The following TENM2 variants were observed in gnomAD, a reference collection of about 807,000 sequenced individuals.
TENM2 encodes teneurin transmembrane protein 2.
Under a neutral mutation model 245.2 loss-of-function variants are expected in TENM2, and 52 were observed. That is an observed-to-expected ratio of 0.21 (90% CI 0.17 to 0.27). The LOEUF (loss-of-function observed/expected upper bound fraction) is 0.27, where lower values mean the gene tolerates loss of function less well. Ranked by LOEUF, TENM2 falls within the 10% of genes least tolerant of loss-of-function variation. The pLI is 1.00. For synonymous variants in TENM2, 1,363 were observed against 1,438.9 expected (o/e 0.95, Z 1.19); for missense variants, 3,046 against 3,666.8 (o/e 0.83, Z 4.37).
intron 19 of TENM2, among the ~76,000 whole-genome samples, chr5:168,210,851 C>G (rs935419771): frequency 1.3e-5 from 2 of 152,140 alleles, no homozygotes; most frequent in Admixed American, 1.3e-4. Context: ...GAGTGGTTCT[C>G]CTTAATTGAG....
intron 2 of TENM2, among the ~76,000 whole-genome samples, chr5:167,510,180 C>G (rs968369644): frequency 1.3e-5 from 2 of 152,146 alleles, no homozygotes; most frequent in Admixed American, 6.6e-5. Flanking sequence ...AATGTACTGG[C>G]TTGGTTTGGA....
At chr5:167,010,666 A>G in the TENM2 span, among the ~76,000 whole-genome samples, 2 of 152,194 alleles carry the variant, frequency 1.3e-5, no homozygotes, top group Non-Finnish European at 2.9e-5. Flanking sequence ...TTCCTCCTTT[A>G]AAAATTTCAC....
At chr5:167,465,702 G>T (rs1487420278) in intron 2 of TENM2, among the ~76,000 whole-genome samples, 1 of 152,126 alleles carries the variant, frequency 6.6e-6, no homozygotes, top group African/African-American at 2.4e-5. Flanking sequence ...TTGGTGGCGG[G>T]CGCCTGTAGT....
chr5:167,728,104 G>C (rs1330071050), intron 2 of TENM2, among the ~76,000 whole-genome samples: 1 of 152,146 alleles, frequency 6.6e-6, no homozygotes, highest in Non-Finnish European at 1.5e-5. Context: ...ACTGGGACCA[G>C]TCTTATGATG....
chr5:167,927,341 A>G (rs1224061236), intron 3 of TENM2, among the ~76,000 whole-genome samples: 2 of 152,174 alleles, frequency 1.3e-5, no homozygotes, highest in African/African-American at 2.4e-5. Context: ...TGAATGTTAC[A>G]TTATTCTACT....
intron 9 of TENM2, among the ~76,000 whole-genome samples, chr5:168,107,180 C>T (rs1007244434): frequency 1.3e-5 from 2 of 151,632 alleles, no homozygotes; most frequent in Non-Finnish European, 2.9e-5. Flanking sequence ...ACTCCTGTTC[C>T]GATGACCTCC....
the TENM2 span, among the ~76,000 whole-genome samples, chr5:167,148,546 T>C: frequency 7.9e-5 from 12 of 152,218 alleles, no homozygotes; most frequent in Non-Finnish European, 1.8e-4. Context: ...AAATGAAATA[T>C]TTTTTAAATG....
At chr5:167,527,136 T>C (rs773615670) in intron 2 of TENM2, among the ~76,000 whole-genome samples, 1 of 152,056 alleles carries the variant, frequency 6.6e-6, no homozygotes, top group South Asian at 2.1e-4. Context: ...TTCTTACTTA[T>C]AAAGATGGAC....
the TENM2 span, among the ~76,000 whole-genome samples, chr5:167,172,290 C>T: frequency 6.6e-6 from 1 of 152,122 alleles, no homozygotes; most frequent in African/African-American, 2.4e-5. Flanking sequence ...GAAAATTGTA[C>T]CCTTATATCC....
chr5:167,510,199 G>T (rs977361259), intron 2 of TENM2, among the ~76,000 whole-genome samples: 3 of 152,160 alleles, frequency 2.0e-5, no homozygotes, highest in Admixed American at 1.3e-4. Flanking sequence ...GAATGTGGCT[G>T]TATTCATGCA....
intron 2 of TENM2, among the ~76,000 whole-genome samples, chr5:167,478,230 T>C (rs1483645910): frequency 6.6e-6 from 1 of 152,196 alleles, no homozygotes; most frequent in Non-Finnish European, 1.5e-5. Context: ...AATGAAAACA[T>C]GGCTTGCAGG....
At chr5:167,294,614 T>G (rs1754840993) in intron 1 of TENM2, among the ~76,000 whole-genome samples, 1 of 152,128 alleles carries the variant, frequency 6.6e-6, no homozygotes, top group Non-Finnish European at 1.5e-5. Context: ...AGAGTTGACC[T>G]CCTTTATGTC....
chr5:167,673,427 T>A (rs1756094926), intron 2 of TENM2, among the ~76,000 whole-genome samples: 1 of 152,230 alleles, frequency 6.6e-6, no homozygotes, highest in Non-Finnish European at 1.5e-5. Context: ...TCCTCTTAGT[T>A]GTCCAATGGG....
intron 3 of TENM2, among the ~76,000 whole-genome samples, chr5:167,881,425 C>T (rs953311300): frequency 1.3e-5 from 2 of 152,188 alleles, no homozygotes; most frequent in Non-Finnish European, 2.9e-5. Flanking sequence ...TCAGGGACCT[C>T]CACTGCAGTT....
intron 3 of TENM2, among the ~76,000 whole-genome samples, chr5:167,880,004 T>G (rs1378891546): frequency 2.0e-5 from 3 of 152,210 alleles, no homozygotes; most frequent in African/African-American, 7.2e-5. Flanking sequence ...ATTCCTTTTT[T>G]GCACCTCCCT....
At chr5:167,858,879 G>A (rs1771355605) in intron 2 of TENM2, among the ~76,000 whole-genome samples, 2 of 132,572 alleles carry the variant, frequency 1.5e-5, no homozygotes, top group African/African-American at 2.8e-5. Context: ...AGGAGCAGCT[G>A]CCTGCCTTGG....
chr5:167,212,308 A>G, the TENM2 span, among the ~76,000 whole-genome samples: 1 of 152,174 alleles, frequency 6.6e-6, no homozygotes, highest in Non-Finnish European at 1.5e-5. Context: ...CCACAGCAGC[A>G]GCCGGACCTT....
At chr5:168,252,415 G>A (rs1767200435) in intron 27 of TENM2, among the ~76,000 whole-genome samples, 1 of 150,798 alleles carries the variant, frequency 6.6e-6, no homozygotes, top group African/African-American at 2.4e-5. Flanking sequence ...AACCTGCAAT[G>A]GCCTAGACTT....
intron 2 of TENM2, among the ~76,000 whole-genome samples, chr5:167,844,380 C>A (rs572090537): frequency 6.6e-6 from 1 of 152,234 alleles, no homozygotes; most frequent in African/African-American, 2.4e-5. Context: ...TAGAGTAAGA[C>A]AAATTGGCCA....
Sources: allele counts gnomAD v4.1 joint callset (sites outside exome capture counted in the v4.1 genomes callset), GRCh38; gene constraint gnomAD v4.1.1; transcripts MANE v1.5; gene names NCBI Gene and HGNC (gene_info 2026-07-23, HGNC 2026-07-21).